The following COP1 variants were observed in gnomAD, a reference collection of about 807,000 sequenced individuals.
The protein encoded by COP1 is COP1 E3 ubiquitin ligase.
COP1 carries 24 observed loss-of-function variants against 101.3 expected under a neutral mutation model. The observed-to-expected ratio is 0.24, with a 90% CI of 0.17 to 0.33. The LOEUF (loss-of-function observed/expected upper bound fraction) is 0.33, where lower values mean the gene tolerates loss of function less well. COP1 is among the 10% of genes least tolerant of loss of function. The pLI, the probability that COP1 is intolerant of heterozygous loss-of-function variation, is 1.00. For synonymous variants in COP1, 347 were observed against 341.9 expected (o/e 1.01, Z -0.17); for missense variants, 663 against 906.2 (o/e 0.73, Z 3.45).
intron 11 of COP1, among the ~76,000 whole-genome samples, chr1:176,071,978 G>T (rs1677089327): frequency 6.6e-6 from 1 of 152,206 alleles, no homozygotes; most frequent in Non-Finnish European, 1.5e-5. Context: ...TAGGGTAGAA[G>T]TTATGAGGGT....
intron 18 of COP1, among the ~76,000 whole-genome samples, chr1:175,948,715 C>A (rs975476284): frequency 1.3e-5 from 2 of 152,088 alleles, no homozygotes; most frequent in Non-Finnish European, 1.5e-5. Context: ...TTCCACTATT[C>A]CAGAATTTTT....
intron 5 of COP1, among the ~76,000 whole-genome samples, chr1:176,155,346 A>G (rs1693286894): frequency 6.6e-6 from 1 of 151,960 alleles, no homozygotes; most frequent in Non-Finnish European, 1.5e-5. Context: ...TTTATAAGTA[A>G]ATAAATATAA....
chr1:176,198,180 T>C (rs1226618007), intron 1 of COP1, among the ~76,000 whole-genome samples: 1 of 152,106 alleles, frequency 6.6e-6, no homozygotes, highest in African/African-American at 2.4e-5. Flanking sequence ...AGAACATAAA[T>C]AATCAAAACA....
intron 18 of COP1, among the ~76,000 whole-genome samples, chr1:175,975,446 G>C (rs1654303859): frequency 6.6e-6 from 1 of 152,096 alleles, no homozygotes; most frequent in South Asian, 2.1e-4. Context: ...TTCACACTTT[G>C]TCACCCAGGC....
chr1:175,980,329 A>G (rs1655535007), intron 18 of COP1, among the ~76,000 whole-genome samples: 1 of 151,204 alleles, frequency 6.6e-6, no homozygotes, highest in South Asian at 2.1e-4. Context: ...TTTAAAGGCC[A>G]AGAATCAGAA....
chr1:176,152,291 A>T (rs1185815064), intron 5 of COP1, among the ~76,000 whole-genome samples: 4 of 152,110 alleles, frequency 2.6e-5, no homozygotes, highest in East Asian at 1.9e-4. Flanking sequence ...CATAATAGAG[A>T]GTGTGTGCAG....
intron 9 of COP1, among the ~76,000 whole-genome samples, chr1:176,086,115 G>C (rs1680086170): frequency 6.6e-6 from 1 of 151,688 alleles, no homozygotes; most frequent in African/African-American, 2.4e-5. Flanking sequence ...CTAAAAATAA[G>C]CTCTAAAGGA....
chr1:176,136,423 G>A lies in COP1; in HGVS notation c.891+65C>T, dbSNP rs1319761147. 29 of 1,091,124 alleles carry A rather than the reference G, an allele frequency of 2.7e-5. No homozygotes were observed. In the East Asian group the frequency reaches 6.9e-4, roughly 26 times the overall value. 67.6% of individuals were successfully genotyped at this position (1,091,124 alleles called of 1,614,324 possible). ...CATAAACTTAACACAGCAACTTAAT[G>A]GAAAGGTGACAATTTCATGAAATTG... On this transcript the variant is annotated intron_variant, in intron 7 of 19. Coordinates refer to ENST00000367669, the MANE Select transcript of COP1 (RefSeq NM_022457.7).
chr1:176,139,570 C>T (rs1361587226), intron 6 of COP1, among the ~76,000 whole-genome samples: 1 of 152,136 alleles, frequency 6.6e-6, no homozygotes, highest in African/African-American at 2.4e-5. Context: ...CCCATCATTG[C>T]CCATCAACGG....
intron 14 of COP1, among the ~76,000 whole-genome samples, chr1:176,030,805 G>T (rs180940792): frequency 1.1e-4 from 17 of 152,276 alleles, no homozygotes; most frequent in Non-Finnish European, 2.1e-4. Flanking sequence ...ACATGTTTCA[G>T]TCCTAACCCC....
chr1:175,983,904 TG>T (rs1185674559), intron 18 of COP1, among the ~76,000 whole-genome samples: 2 of 152,170 alleles, frequency 1.3e-5, no homozygotes, highest in East Asian at 3.9e-4. Context: ...TTAGGGTATC[TG>T]GTAGAATAAA....
At chr1:175,952,263 A>T (rs540845401) in intron 18 of COP1, among the ~76,000 whole-genome samples, 1 of 152,120 alleles carries the variant, frequency 6.6e-6, no homozygotes, top group South Asian at 2.1e-4. Context: ...CTCTACTAAA[A>T]ATACAAAAAT....
rs573670317 is a variant in COP1 at position 176,077,780 on chromosome 1, A to G, written c.1277+3372T>C. Among the ~76,000 whole-genome samples, 3 of 152,356 alleles carry G rather than the reference A, an allele frequency of 2.0e-5. No homozygotes were observed. The South Asian group carries it at 6.2e-4, about 32-fold the overall frequency. The stretch of plus-strand genomic sequence containing the variant: ...AAAGACTCTGCCAAAAGGCTCCTGG[A>G]ACTGATAGACAAATTCAGCAAAGTT... On this transcript the variant is annotated intron_variant, in intron 11 of 19. Transcript: ENST00000367669.
chr1:176,084,047 G>A (rs921394158), intron 10 of COP1, among the ~76,000 whole-genome samples: 2 of 152,146 alleles, frequency 1.3e-5, no homozygotes, highest in Non-Finnish European at 1.5e-5. Context: ...TATGCTGCCA[G>A]TGACTTAAAG....
chr1:176,204,993 C>T (rs953161423), intron 1 of COP1, among the ~76,000 whole-genome samples: 2 of 152,170 alleles, frequency 1.3e-5, no homozygotes, highest in Non-Finnish European at 2.9e-5. Context: ...CTGCAGTGCA[C>T]TGAACTTCAT....
intron 15 of COP1, among the ~76,000 whole-genome samples, chr1:176,001,001 T>A (rs1236178869): frequency 6.6e-6 from 1 of 152,082 alleles, no homozygotes; most frequent in African/African-American, 2.4e-5. Flanking sequence ...TGGCCATACA[T>A]ATTACATCTT....
At chr1:176,076,519 G>A (rs1169596303) in intron 11 of COP1, among the ~76,000 whole-genome samples, 1 of 142,568 alleles carries the variant, frequency 7.0e-6, no homozygotes, top group Non-Finnish European at 1.5e-5. Flanking sequence ...TCATCAAGAG[G>A]TTAGGAAGAT....
chr1:175,986,111 G>A (rs927461976), intron 18 of COP1, among the ~76,000 whole-genome samples: 2 of 152,026 alleles, frequency 1.3e-5, no homozygotes, highest in Non-Finnish European at 2.9e-5. Flanking sequence ...GCTCTGCCTC[G>A]CGGGTTGATG....
intron 18 of COP1, among the ~76,000 whole-genome samples, chr1:175,949,010 A>G (rs1366828679): frequency 6.6e-6 from 1 of 151,602 alleles, no homozygotes; most frequent in African/African-American, 2.4e-5. Flanking sequence ...TAAAATACAA[A>G]AAATTAGCTT....
Sources: gnomAD v4.1 joint callset for allele counts (sites outside exome capture counted in the v4.1 genomes callset) on GRCh38, gnomAD v4.1.1 for gene constraint, MANE v1.5 for transcripts, NCBI Gene and HGNC (gene_info 2026-07-23, HGNC 2026-07-21) for gene names.